The following FZD3 variants were observed in gnomAD, a reference collection of about 807,000 sequenced individuals.
The protein encoded by FZD3 is frizzled-3.
Under a neutral mutation model 60.7 loss-of-function variants are expected in FZD3, and 30 were observed. The ratio of observed to expected loss-of-function variants is 0.49; its 90% CI spans 0.37 to 0.67. The LOEUF is 0.67. Ranked by LOEUF, FZD3 falls within the 30% of genes least tolerant of loss-of-function variation. The pLI is 0.00. For synonymous variants in FZD3, 246 were observed against 275.2 expected, an observed-to-expected ratio of 0.89 and a Z score of 1.05; for missense variants, 605 against 838.7, an observed-to-expected ratio of 0.72 and a Z score of 3.44.
chr8:28,528,736 T>C (rs116873422), intron 5 of FZD3, among the ~76,000 whole-genome samples: 93 of 152,292 alleles, frequency 6.1e-4, no homozygotes, highest in Non-Finnish European at 1.1e-3. Flanking sequence ...TTAGAGTTCT[T>C]AAACATCTAG....
intron 3 of FZD3, among the ~76,000 whole-genome samples, chr8:28,508,358 A>G (rs1053419130): frequency 2.7e-5 from 4 of 150,664 alleles, no homozygotes; most frequent in African/African-American, 9.8e-5. Flanking sequence ...AGAGATCACT[A>G]TCTGGGTGCT....
At chr8:28,499,204 C>T (rs956770090) in intron 1 of FZD3, among the ~76,000 whole-genome samples, 13 of 152,034 alleles carry the variant, frequency 8.6e-5, no homozygotes, top group African/African-American at 2.2e-4. Flanking sequence ...TTTAAACAAT[C>T]GAAATAGTTT....
intron 3 of FZD3, among the ~76,000 whole-genome samples, chr8:28,520,249 A>G (rs1274828086): frequency 2.0e-5 from 3 of 151,808 alleles, no homozygotes; most frequent in Non-Finnish European, 4.4e-5. Flanking sequence ...AGAAAGAAAG[A>G]AATACTTAAA....
intron 5 of FZD3, among the ~76,000 whole-genome samples, chr8:28,535,003 T>C (rs552288711): frequency 1.3e-5 from 2 of 152,226 alleles, no homozygotes; most frequent in Non-Finnish European, 2.9e-5. Flanking sequence ...TGAATATATT[T>C]GCTTAAAAAC....
chr8:28,497,696 G>T (rs13259546), intron 1 of FZD3, among the ~76,000 whole-genome samples: 4,729 of 152,286 alleles, frequency 0.031, 105 homozygotes, highest in Non-Finnish European at 0.052. Context: ...AGCCCTTTCT[G>T]TAGAGAAAGT....
At chr8:28,560,753 A>C (rs1031117387) in intron 7 of FZD3, among the ~76,000 whole-genome samples, 1 of 152,224 alleles carries the variant, frequency 6.6e-6, no homozygotes, top group Non-Finnish European at 1.5e-5. Flanking sequence ...TCAGCAGCCA[A>C]GTCATATTTG....
chr8:28,523,043 T>C (rs1195033867), intron 4 of FZD3, among the ~76,000 whole-genome samples: 5 of 152,180 alleles, frequency 3.3e-5, no homozygotes, highest in Non-Finnish European at 7.3e-5. Context: ...GTGCTGGGAT[T>C]ACAGGCGTGA....
intron 7 of FZD3, among the ~76,000 whole-genome samples, chr8:28,562,106 C>T (rs1467202847): frequency 1.3e-5 from 2 of 152,144 alleles, no homozygotes; most frequent in Admixed American, 1.3e-4. Flanking sequence ...AAAGAATTTG[C>T]TTTAGCCAGA....
chr8:28,506,720 G>T (rs1475247374), intron 3 of FZD3, among the ~76,000 whole-genome samples: 1 of 152,064 alleles, frequency 6.6e-6, no homozygotes, highest in African/African-American at 2.4e-5. Flanking sequence ...TGGAAAGCTG[G>T]CAGTGAAATA....
chr8:28,515,678 T>TC (rs1804408268), intron 3 of FZD3, among the ~76,000 whole-genome samples: 1 of 152,218 alleles, frequency 6.6e-6, no homozygotes, highest in East Asian at 1.9e-4. Context: ...CTGTTTTGCC[T>TC]CTTAGCATGT....
At chr8:28,546,458 T>A (rs2130446403) in intron 5 of FZD3, among the ~76,000 whole-genome samples, 1 of 152,336 alleles carries the variant, frequency 6.6e-6, no homozygotes, top group Admixed American at 6.5e-5. Flanking sequence ...TTTGAATGAC[T>A]GTATATTTGG....
At chr8:28,515,797 C>A (rs1225714204) in intron 3 of FZD3, among the ~76,000 whole-genome samples, 1 of 152,218 alleles carries the variant, frequency 6.6e-6, no homozygotes, top group Admixed American at 6.5e-5. Context: ...TCAGCTGAAA[C>A]CAATTATTAT....
chr8:28,518,935 G>T (rs1389002607), intron 3 of FZD3, among the ~76,000 whole-genome samples: 1 of 152,150 alleles, frequency 6.6e-6, no homozygotes, highest in African/African-American at 2.4e-5. Flanking sequence ...GTTTTAAATA[G>T]ATAACTTAAA....
Position 28,563,081 on chromosome 8 carries a change from C to T in FZD3, c.*70C>T, listed in dbSNP as rs1353587118. 1 of 982,542 alleles carries T rather than the reference C, an allele frequency of 1.0e-6. No homozygotes were observed. Among genetic ancestry groups the T allele is most frequent in the African/African-American group, 1.6e-5 (1 of 62,686 alleles). 60.9% of individuals were successfully genotyped at this position (982,542 alleles called of 1,614,324 possible). A position where few individuals can be genotyped will look rare whatever the true frequency, so the allele number is the denominator to read the frequency against. ...ATTTTATTCTTTGCCTTTTGCATGA[C>T]TGATAGCTGTAACTCACAGTTAACA... is the stretch of plus-strand genomic sequence containing the variant. On this transcript the variant is annotated 3_prime_UTR_variant, in exon 8 of 8. Transcript: ENST00000240093.
chr8:28,562,674 A>G (rs1452266823), intron 7 of FZD3, 124 bp from the exon 8 acceptor site: 1 of 652,036 alleles, frequency 1.5e-6, no homozygotes, highest in Admixed American at 2.4e-5. Context: ...AAAGTTGGTT[A>G]TTACTTTCTC....
At chr8:28,533,866 A>G (rs1804942629) in intron 5 of FZD3, among the ~76,000 whole-genome samples, 1 of 152,150 alleles carries the variant, frequency 6.6e-6, no homozygotes, top group Non-Finnish European at 1.5e-5. Flanking sequence ...TTTATTCTAT[A>G]TGTGAGTCCC....
chr8:28,538,726 T>C (rs1324007161), intron 5 of FZD3, among the ~76,000 whole-genome samples: 2 of 152,104 alleles, frequency 1.3e-5, no homozygotes, highest in African/African-American at 2.4e-5. Context: ...TTGAATAATC[T>C]GTAGGGGTTT....
chr8:28,503,992 A>G (rs1294819176), intron 3 of FZD3, among the ~76,000 whole-genome samples: 1 of 152,208 alleles, frequency 6.6e-6, no homozygotes. Flanking sequence ...GTTAATTCAT[A>G]TTCTCATATT....
At chr8:28,509,619 C>T (rs1011254325) in intron 3 of FZD3, among the ~76,000 whole-genome samples, 5 of 152,178 alleles carry the variant, frequency 3.3e-5, no homozygotes, top group South Asian at 2.1e-4. Flanking sequence ...TAGTCCCTGG[C>T]AACTACCGTT....
Sources: allele counts gnomAD v4.1 joint callset (sites outside exome capture counted in the v4.1 genomes callset), GRCh38; gene constraint gnomAD v4.1.1; transcripts MANE v1.5; gene names NCBI Gene and HGNC (gene_info 2026-07-23, HGNC 2026-07-21).